Variants in CSNK1A1 observed in about 807,000 individuals in gnomAD.
CSNK1A1 encodes the protein casein kinase 1 alpha 1, also known as casein kinase I isoform alpha.
In CSNK1A1, 7 loss-of-function variants were observed where a neutral mutation model predicts 46.1. The ratio of observed to expected loss-of-function variants is 0.15; its 90% CI spans 0.09 to 0.29. The LOEUF (loss-of-function observed/expected upper bound fraction) is 0.29. Ranked by LOEUF, CSNK1A1 falls within the 10% of genes least tolerant of loss-of-function variation. The pLI is 1.00. For synonymous variants in CSNK1A1, 137 were observed against 141.5 expected, an observed-to-expected ratio of 0.97 and a Z score of 0.23; for missense variants, 96 against 417.1, an observed-to-expected ratio of 0.23 and a Z score of 6.71.
rs924017852 is a variant in CSNK1A1, at chr5:149,521,782, C to CT, written c.358-1395dup. ...CAGGCACCCGCCACATGCCTGGGTA[C>CT]TTTTTTTTATTTTTAGTAGAGACAG... On this transcript the variant is annotated intron_variant, in intron 3 of 9. Coordinates refer to ENST00000377843, the MANE Select transcript of CSNK1A1 (RefSeq NM_001892.6). Among the ~76,000 whole-genome samples the CT allele has an allele frequency of 8.6e-5, 13 of 151,786 alleles. No individual in the cohort carries two copies. The South Asian group carries it at 2.1e-3, about 24-fold the overall frequency.
chr5:149,493,531 C>T lies in CSNK1A1; in HGVS notation c.*3322G>A, dbSNP rs1760578784. 6.6e-6 allele frequency: 1 copy of T among 151,998 alleles called. No individual in the cohort carries two copies. Among genetic ancestry groups the T allele is most frequent in the Non-Finnish European group, 1.5e-5 (1 of 68,016 alleles). 9.4% of individuals were successfully genotyped at this position (151,998 alleles called of 1,614,324 possible). A position where few individuals can be genotyped will look rare whatever the true frequency, so the allele number is the denominator to read the frequency against. On this transcript the variant is annotated 3_prime_UTR_variant, in exon 10 of 10. Transcript: ENST00000377843. ...AAAATAATTTCACTTCAACAATACACTGTTTGTTGATTCAACACAAACTGC... is the reference window on the plus strand; with the variant it reads ...AAAATAATTTCACTTCAACAATACATTGTTTGTTGATTCAACACAAACTGC...
rs1307698762 is a variant in CSNK1A1 at position 149,517,735 on chromosome 5, A to G, written c.456+2555T>C. 3.4e-5 allele frequency: 37 copies of G among 1,099,738 alleles called. No individual in the cohort carries two copies. The highest frequency in any genetic ancestry group is 2.6e-5 in the Non-Finnish European group (19 of 743,922). The allele number at this position is 1,099,738 out of a possible 1,614,324, so 68.1% of individuals were successfully genotyped here. A position where few individuals can be genotyped will look rare whatever the true frequency, so the allele number is the denominator to read the frequency against. ...AAACAAAAATCATCAAAATAAAACA[A>G]TAAAAAAGAAAAGCACATGAATTTG... On this transcript the variant is annotated intron_variant, in intron 4 of 9. Transcript: ENST00000377843. This position sits in a 1 kb window ranked among gnomAD's most constrained non-coding sequence, Gnocchi z 4.4.
chr5:149,526,510 A>G (rs564649089), intron 2 of CSNK1A1, among the ~76,000 whole-genome samples: 2 of 152,332 alleles, frequency 1.3e-5, no homozygotes, highest in African/African-American at 2.4e-5. Context: ...TATAACAAGT[A>G]TCAGTCAAGT....
intron 4 of CSNK1A1, among the ~76,000 whole-genome samples, chr5:149,520,034 C>T (rs943825643): frequency 3.3e-5 from 5 of 152,174 alleles, no homozygotes; most frequent in Non-Finnish European, 7.4e-5. Flanking sequence ...TAGACAACTA[C>T]AGTTCATTAT....
At chr5:149,508,530 T>C (rs1761109529) in intron 7 of CSNK1A1, among the ~76,000 whole-genome samples, 1 of 152,260 alleles carries the variant, frequency 6.6e-6, no homozygotes, top group African/African-American at 2.4e-5. Context: ...GATGAGATCA[T>C]GGTTATTCAT....
chr5:149,517,713 C>A lies in CSNK1A1; in HGVS notation c.456+2577G>T. On this transcript the variant is annotated intron_variant, in intron 4 of 9. Coordinates refer to ENST00000377843, the MANE Select transcript of CSNK1A1 (RefSeq NM_001892.6). This position sits in a 1 kb window ranked among gnomAD's most constrained non-coding sequence, Gnocchi z 4.4. ...TACATTCTCCAGAATTAAAACAAAACAAAAATCATCAAAATAAAACAATAA... is the reference window on the plus strand; with the variant it reads ...TACATTCTCCAGAATTAAAACAAAAAAAAAATCATCAAAATAAAACAATAA... 1.1e-6 allele frequency: 1 copy of A among 947,108 alleles called. No homozygotes were observed. Among genetic ancestry groups the A allele is most frequent in the Non-Finnish European group, 1.6e-6 (1 of 615,208 alleles). The allele number at this position is 947,108 out of a possible 1,614,324, so 58.7% of individuals were successfully genotyped here. A position where few individuals can be genotyped will look rare whatever the true frequency, so the allele number is the denominator to read the frequency against.
At chr5:149,546,790 A>C (rs888673330) in intron 2 of CSNK1A1, among the ~76,000 whole-genome samples, 1 of 152,228 alleles carries the variant, frequency 6.6e-6, no homozygotes, top group Non-Finnish European at 1.5e-5. Flanking sequence ...ACTTTTATCT[A>C]GCTAACACTA....
At chr5:149,548,854 T>C (rs1762566495) in intron 2 of CSNK1A1, among the ~76,000 whole-genome samples, 1 of 152,200 alleles carries the variant, frequency 6.6e-6, no homozygotes, top group Non-Finnish European at 1.5e-5. Flanking sequence ...AACTCCGTCT[T>C]AAAGAAGAGG....
rs867298875 is a variant in CSNK1A1 at position 149,542,621 on chromosome 5, T to C, written c.230+7454A>G. Among the ~76,000 whole-genome samples the C allele has an allele frequency of 4.3e-3, 57 of 13,116 alleles. 5 individuals carry two copies. The highest frequency in any genetic ancestry group is 0.026 in the African/African-American group (53 of 2,046). The allele number at this position is 13,116 out of a possible 152,430, so 8.6% of individuals were successfully genotyped here. A position where few individuals can be genotyped will look rare whatever the true frequency, so the allele number is the denominator to read the frequency against. ...ATATATATATATATATATATATATATATATATATATATATATATGTATATA... is the reference window on the plus strand; with the variant it reads ...ATATATATATATATATATATATATACATATATATATATATATATGTATATA... On this transcript the variant is annotated intron_variant, in intron 2 of 9. Transcript: ENST00000377843.
At chr5:149,516,348 A>C (rs564284998) in intron 4 of CSNK1A1, among the ~76,000 whole-genome samples, 1,798 of 25,274 alleles carry the variant, frequency 0.071, 33 homozygotes, top group African/African-American at 0.32. Flanking sequence ...AAACCCCCCA[A>C]AAAAAACAAA....
rs376158068 is a variant in CSNK1A1 at position 149,550,035 on chromosome 5, G to A, written c.230+40C>T. On this transcript the variant is annotated intron_variant, in intron 2 of 9. Coordinates refer to ENST00000377843, the MANE Select transcript of CSNK1A1 (RefSeq NM_001892.6). This position sits in a 1 kb window ranked among gnomAD's most constrained non-coding sequence, Gnocchi z 4.3. ...GCCTCTACCCACTTCCCCATTCCGT[G>A]CTTCCCTCAGCGGATCGCCTATATG... 5.6e-6 allele frequency: 9 copies of A among 1,594,746 alleles called. No homozygotes were observed. The highest frequency in any genetic ancestry group is 7.7e-6 in the Non-Finnish European group (9 of 1,168,388).
intron 9 of CSNK1A1, chr5:149,503,459 T>C (rs1760933281): frequency 6.1e-6 from 6 of 985,342 alleles, no homozygotes; most frequent in Non-Finnish European, 7.2e-6. Flanking sequence ...TGGAAGTGTA[T>C]TTCTAAAAAG....
intron 2 of CSNK1A1, among the ~76,000 whole-genome samples, chr5:149,530,459 A>G (rs1761858610): frequency 6.6e-6 from 1 of 152,244 alleles, no homozygotes; most frequent in African/African-American, 2.4e-5. Flanking sequence ...AAAAGTATCA[A>G]CACTGAATCA....
Position 149,503,950 on chromosome 5 carries a change from C to T in CSNK1A1, c.1006+1497G>A, listed in dbSNP as rs186877162. Reference sequence around the variant, plus strand: ...CATTTTGTGAGAAAAAGCAAATATACTATAGGTTGTCAGGTGTAACAAGTC... The same window carrying T: ...CATTTTGTGAGAAAAAGCAAATATATTATAGGTTGTCAGGTGTAACAAGTC... On this transcript the variant is annotated intron_variant, in intron 9 of 9. Coordinates refer to ENST00000377843, the MANE Select transcript of CSNK1A1 (RefSeq NM_001892.6). The T allele has an allele frequency of 6.1e-6, 6 of 985,384 alleles. No homozygotes were observed. In the African/African-American group the frequency reaches 8.7e-5, roughly 14 times the overall value. 61.0% of individuals were successfully genotyped at this position (985,384 alleles called of 1,614,324 possible).
chr5:149,534,966 A>G (rs950805578), intron 2 of CSNK1A1, among the ~76,000 whole-genome samples: 1 of 151,918 alleles, frequency 6.6e-6, no homozygotes, highest in African/African-American at 2.4e-5. Flanking sequence ...ATATATCAAA[A>G]AATTCCTAAA....
rs1156798738 is a variant in CSNK1A1, at chr5:149,494,262, G to C, written c.*2591C>G. 2 of 152,190 alleles carry C rather than the reference G, an allele frequency of 1.3e-5. No individual in the cohort carries two copies. Among genetic ancestry groups the C allele is most frequent in the Non-Finnish European group, 2.9e-5 (2 of 68,028 alleles). The allele number at this position is 152,190 out of a possible 1,614,324, so 9.4% of individuals were successfully genotyped here. A position where few individuals can be genotyped will look rare whatever the true frequency, so the allele number is the denominator to read the frequency against. On this transcript the variant is annotated 3_prime_UTR_variant, in exon 10 of 10. Coordinates refer to ENST00000377843, the MANE Select transcript of CSNK1A1 (RefSeq NM_001892.6). ...TTGTTGATGGGAAATCATTGTGAAA[G>C]CAAACCTCCAAATATTCATTTGTAA...
rs1580873435 is a variant in CSNK1A1 at position 149,551,079 on chromosome 5, A to G, written c.-115T>C. 8.5e-7 allele frequency: 1 copy of G among 1,177,982 alleles called. No individual in the cohort carries two copies. Among genetic ancestry groups the G allele is most frequent in the East Asian group, 2.4e-5 (1 of 42,006 alleles). 73.0% of individuals were successfully genotyped at this position (1,177,982 alleles called of 1,614,324 possible). On this transcript the variant is annotated 5_prime_UTR_variant, in exon 1 of 10. Coordinates refer to ENST00000377843, the MANE Select transcript of CSNK1A1 (RefSeq NM_001892.6). Reference sequence around the variant, plus strand: ...ACGGAGGAGGGCGGCAGGAAACGGAACACGGAGGCCTTTACCGGGGTTCGG... The same window carrying G: ...ACGGAGGAGGGCGGCAGGAAACGGAGCACGGAGGCCTTTACCGGGGTTCGG...
At position 149,525,927 on chromosome 5, in the gene CSNK1A1, A is replaced by G. The variant is rs995007287; in HGVS notation, c.231-756T>C. Among the ~76,000 whole-genome samples, 1 of 152,170 alleles carries G rather than the reference A, an allele frequency of 6.6e-6. No homozygotes were observed. The highest frequency in any genetic ancestry group is 2.4e-5 in the African/African-American group (1 of 41,434). On this transcript the variant is annotated intron_variant, in intron 2 of 9. Transcript: ENST00000377843. This position sits in a 1 kb window ranked among gnomAD's most constrained non-coding sequence, Gnocchi z 4.2. ...CCACTTTTCTTTCAAACTTTTCTAG[A>G]TATTAAATTCTGCTAAGAAAATCAG...
intron 9 of CSNK1A1, among the ~76,000 whole-genome samples, chr5:149,500,011 C>T (rs1760784103): frequency 6.9e-6 from 1 of 144,598 alleles, no homozygotes; most frequent in African/African-American, 2.6e-5. Context: ...CTCTGTCACC[C>T]AGGCTGGAGT....
Sources: gnomAD v4.1 joint callset for allele counts (sites outside exome capture counted in the v4.1 genomes callset) on GRCh38, gnomAD v4.1.1 for gene constraint, Gnocchi (gnomAD v3.1) non-coding constraint, MANE v1.5 for transcripts, NCBI Gene and HGNC (gene_info 2026-07-23, HGNC 2026-07-21) for gene names.